RBFOX3: variants seen among roughly 807,000 people sequenced by gnomAD.
The protein encoded by RBFOX3 is RNA binding fox-1 homolog 3, also known as RNA binding protein fox-1 homolog 3.
Under a neutral mutation model 48.7 loss-of-function variants are expected in RBFOX3, and 17 were observed. That is an observed-to-expected ratio of 0.35 (90% CI 0.24 to 0.52). The LOEUF (loss-of-function observed/expected upper bound fraction) is 0.52. Ranked by LOEUF, RBFOX3 falls within the 20% of genes least tolerant of loss-of-function variation. The pLI is 0.94. For synonymous variants in RBFOX3, 212 were observed against 209.5 expected, an observed-to-expected ratio of 1.01 and a Z score of -0.10; for missense variants, 382 against 497.5, an observed-to-expected ratio of 0.77 and a Z score of 2.21.
At chr17:79,602,748 C>T (rs986348309) in intron 1 of RBFOX3, among the ~76,000 whole-genome samples, 14 of 152,056 alleles carry the variant, frequency 9.2e-5, no homozygotes, top group African/African-American at 2.2e-4. Flanking sequence ...TATATCCACA[C>T]GGAAGGCAGG....
chr17:79,612,763 GT>G (rs1441721768), upstream of RBFOX3, among the ~76,000 whole-genome samples: 4 of 152,198 alleles, frequency 2.6e-5, no homozygotes, highest in African/African-American at 9.7e-5. Flanking sequence ...GGGCCTCTTG[GT>G]TCTCTGCTGT....
chr17:79,223,618 G>C (rs1000922720), intron 4 of RBFOX3, among the ~76,000 whole-genome samples: 3 of 152,186 alleles, frequency 2.0e-5, no homozygotes, highest in Admixed American at 6.5e-5. Context: ...GGCCAGTGGC[G>C]TGAGACATGG....
chr17:79,377,406 C>T (rs201190607), intron 2 of RBFOX3, among the ~76,000 whole-genome samples: 4 of 90,864 alleles, frequency 4.4e-5, no homozygotes, highest in Non-Finnish European at 7.9e-5. Context: ...CACTCATACA[C>T]ACACAGACAT....
Position 79,421,216 on chromosome 17 carries a change from C to G in RBFOX3, c.-175+61238G>C, listed in dbSNP as rs1433214832. Among the ~76,000 whole-genome samples, 2 of 152,234 alleles carry G rather than the reference C, an allele frequency of 1.3e-5. No homozygotes were observed. The highest frequency in any genetic ancestry group is 2.9e-5 in the Non-Finnish European group (2 of 68,044). On this transcript the variant is annotated intron_variant, in intron 2 of 14. Transcript: ENST00000693108. The surrounding 1 kb of genome is among the most constrained non-coding windows in gnomAD (Gnocchi z 4.5). Reference sequence around the variant, plus strand: ...TGCCCTAACCTCCGCGGCCGCTTCTCTCAGCTGGTTCCACCCTGTGTCTTT... The same window carrying G: ...TGCCCTAACCTCCGCGGCCGCTTCTGTCAGCTGGTTCCACCCTGTGTCTTT...
chr17:79,568,343 A>T (rs1321156860), intron 1 of RBFOX3, among the ~76,000 whole-genome samples: 1 of 152,210 alleles, frequency 6.6e-6, no homozygotes, highest in African/African-American at 2.4e-5. Context: ...AAATGCTCCA[A>T]AATCTAAAAC....
intron 2 of RBFOX3, among the ~76,000 whole-genome samples, chr17:79,426,948 C>T (rs1382424462): frequency 1.3e-5 from 2 of 152,154 alleles, no homozygotes; most frequent in Admixed American, 6.5e-5. Context: ...AGGTGATCCA[C>T]CCGCCTCGGC....
intron 3 of RBFOX3, among the ~76,000 whole-genome samples, chr17:79,292,058 C>T (rs1016330791): frequency 3.9e-5 from 6 of 152,146 alleles, no homozygotes; most frequent in African/African-American, 1.2e-4. Context: ...CAATTTACCC[C>T]ACCCCTCATT....
At chr17:79,454,688 G>A (rs1278901664) in intron 2 of RBFOX3, among the ~76,000 whole-genome samples, 2 of 152,180 alleles carry the variant, frequency 1.3e-5, no homozygotes, top group Non-Finnish European at 2.9e-5. Flanking sequence ...GAGGTTAAGC[G>A]ACCTGTCTGG....
rs1000888215 is a variant in RBFOX3 at position 79,528,720 on chromosome 17, G to A, written c.-319-46122C>T. 9.3e-4 allele frequency among the ~76,000 whole-genome samples: 141 copies of A among 152,128 alleles called. 2 individuals carry two copies. The highest frequency in any genetic ancestry group is 3.2e-3 in the African/African-American group (132 of 41,494). Reference sequence around the variant, plus strand: ...AAGATGGAGGCAGAGGCTGGAGTAAGGCAGCCACCGTCACGGAGCACTGCG... The same window carrying A: ...AAGATGGAGGCAGAGGCTGGAGTAAAGCAGCCACCGTCACGGAGCACTGCG... On this transcript the variant is annotated intron_variant, in intron 1 of 14. Coordinates refer to ENST00000693108, the MANE Select transcript of RBFOX3 (RefSeq NM_001350451.2).
Position 79,554,128 on chromosome 17 carries a change from T to C in RBFOX3, c.-320+56698A>G, listed in dbSNP as rs907243160. On this transcript the variant is annotated intron_variant, in intron 1 of 14. Coordinates refer to ENST00000693108, the MANE Select transcript of RBFOX3 (RefSeq NM_001350451.2). ...TATTTACTAGTCCCATTTTTCTATT[T>C]TGTGGCCCATTATTATTATATTAGT... 2.9e-3 allele frequency among the ~76,000 whole-genome samples: 448 copies of C among 152,368 alleles called. 3 individuals carry two copies. Among genetic ancestry groups the C allele is most frequent in the South Asian group, 0.028 (137 of 4,824 alleles).
chr17:79,398,292 C>T (rs1252080239), intron 2 of RBFOX3, among the ~76,000 whole-genome samples: 1 of 152,132 alleles, frequency 6.6e-6, no homozygotes, highest in Non-Finnish European at 1.5e-5. Context: ...GCGCTCCTGG[C>T]CTAGACGAGG....
At position 79,311,213 on chromosome 17, in the gene RBFOX3, A is replaced by T. The variant is rs1235670684; in HGVS notation, c.-174-3389T>A. On this transcript the variant is annotated intron_variant, in intron 2 of 14. Transcript: ENST00000693108. This position sits in a 1 kb window ranked among gnomAD's most constrained non-coding sequence, Gnocchi z 4.2. ...TTTGGGAGGCCGAGGCGGGTAGATCACCTGAGGTCAGGAGTTCAACACCAG... is the reference window on the plus strand; with the variant it reads ...TTTGGGAGGCCGAGGCGGGTAGATCTCCTGAGGTCAGGAGTTCAACACCAG... Among the ~76,000 whole-genome samples the T allele has an allele frequency of 6.6e-6, 1 of 152,088 alleles. No homozygotes were observed. Among genetic ancestry groups the T allele is most frequent in the Admixed American group, 6.5e-5 (1 of 15,268 alleles).
At chr17:79,203,079 T>G (rs557834750) in intron 4 of RBFOX3, among the ~76,000 whole-genome samples, 3 of 152,002 alleles carry the variant, frequency 2.0e-5, no homozygotes, top group South Asian at 4.2e-4. Flanking sequence ...GCCTGGATTT[T>G]GGGGGCTCCC....
the RBFOX3 span, among the ~76,000 whole-genome samples, chr17:79,638,068 A>T: frequency 6.6e-6 from 1 of 152,142 alleles, no homozygotes; most frequent in Non-Finnish European, 1.5e-5. Flanking sequence ...ATACACCAAA[A>T]TGTATGGGAT....
chr17:79,460,973 G>C lies in RBFOX3; in HGVS notation c.-175+21481C>G, dbSNP rs550353903. Among the ~76,000 whole-genome samples, 9 of 152,244 alleles carry C rather than the reference G, an allele frequency of 5.9e-5. No individual in the cohort carries two copies. The South Asian group carries it at 1.9e-3, about 32-fold the overall frequency. The stretch of plus-strand genomic sequence containing the variant: ...TTAAACCTCCATGCCTTTGCTCTGT[G>C]TGCAGTTCCATGCTCACCAGTTCTT... On this transcript the variant is annotated intron_variant, in intron 2 of 14. Transcript: ENST00000693108.
chr17:79,308,171 G>C (rs1236443205), intron 2 of RBFOX3, among the ~76,000 whole-genome samples: 1 of 152,184 alleles, frequency 6.6e-6, no homozygotes, highest in East Asian at 1.9e-4. Flanking sequence ...GAATGGCCGA[G>C]TCGCCTGTCC....
At chr17:79,148,273 G>A (rs1052672536) in intron 4 of RBFOX3, among the ~76,000 whole-genome samples, 5 of 152,220 alleles carry the variant, frequency 3.3e-5, no homozygotes. Flanking sequence ...GCCTCCCAAG[G>A]TCCCTTCCCA....
chr17:79,120,285 G>A (rs999968376), intron 4 of RBFOX3, among the ~76,000 whole-genome samples: 3 of 152,152 alleles, frequency 2.0e-5, no homozygotes, highest in Non-Finnish European at 4.4e-5. Context: ...TACAAGAACG[G>A]GTGGATGTAC....
At chr17:79,611,096 TCTCTCTCTCTCCTCCCTC>T (rs2093959469), upstream of RBFOX3, among the ~76,000 whole-genome samples, 1 of 129,278 alleles carries the variant, frequency 7.7e-6, no homozygotes, top group Non-Finnish European at 1.7e-5. Flanking sequence ...GCCTCCTCTC[TCTCTCTCTCTCCTCCCTC>T]CTCTCTCCGC....
Sources: allele counts gnomAD v4.1 joint callset (sites outside exome capture counted in the v4.1 genomes callset), GRCh38; gene constraint gnomAD v4.1.1; non-coding constraint Gnocchi (gnomAD v3.1); transcripts MANE v1.5; gene names NCBI Gene and HGNC (gene_info 2026-07-23, HGNC 2026-07-21).